NLGN1: variants seen among roughly 807,000 people sequenced by gnomAD.
NLGN1 encodes neuroligin 1, also known as neuroligin-1.
Under a neutral mutation model 65.5 loss-of-function variants are expected in NLGN1, and 12 were observed. That is an observed-to-expected ratio of 0.18 (90% CI 0.12 to 0.30). NLGN1 has a LOEUF of 0.30. Among genes scored for constraint, NLGN1 ranks in the 10% least tolerant of loss-of-function variants. The pLI, the probability that NLGN1 is intolerant of heterozygous loss-of-function variation, is 1.00. For missense variants in NLGN1, 750 were observed against 1,007.1 expected (o/e 0.74, Z 3.46); for synonymous variants, 350 against 359.5 (o/e 0.97, Z 0.30).
chr3:173,835,287 A>G (rs1450451568), intron 4 of NLGN1, among the ~76,000 whole-genome samples: 1 of 152,156 alleles, frequency 6.6e-6, no homozygotes, highest in Non-Finnish European at 1.5e-5. Context: ...ATAAGAAATA[A>G]TAATTATGCA....
intron 3 of NLGN1, among the ~76,000 whole-genome samples, chr3:173,713,705 G>A (rs1769374789): frequency 6.6e-6 from 1 of 152,100 alleles, no homozygotes; most frequent in Non-Finnish European, 1.5e-5. Context: ...CAGGGTCCTT[G>A]TGGGAATTAA....
At chr3:173,575,969 T>A (rs1745439811) in intron 2 of NLGN1, among the ~76,000 whole-genome samples, 1 of 152,120 alleles carries the variant, frequency 6.6e-6, no homozygotes, top group Non-Finnish European at 1.5e-5. Flanking sequence ...TGCACTATCC[T>A]TTATGGTAGT....
chr3:173,399,648 C>G (rs1717286644), intron 1 of NLGN1: 2 of 152,190 alleles, frequency 1.3e-5, no homozygotes, highest in African/African-American at 2.4e-5. Flanking sequence ...TCTCCAAAGT[C>G]TCTTCCAACT....
chr3:173,889,128 CTG>C (rs1236311298), intron 4 of NLGN1, among the ~76,000 whole-genome samples: 4 of 152,048 alleles, frequency 2.6e-5, no homozygotes, highest in Admixed American at 6.6e-5. Flanking sequence ...TGACATGAAA[CTG>C]TTATTTCTCA....
intron 2 of NLGN1, among the ~76,000 whole-genome samples, chr3:173,580,345 G>T (rs1746197619): frequency 6.6e-6 from 1 of 151,974 alleles, no homozygotes; most frequent in South Asian, 2.1e-4. Context: ...GGTTAAATTG[G>T]AATGCCCTAT....
intron 4 of NLGN1, among the ~76,000 whole-genome samples, chr3:174,110,492 G>A (rs143693323): frequency 3.4e-4 from 52 of 152,032 alleles, no homozygotes; most frequent in Non-Finnish European, 6.3e-4. Flanking sequence ...TTTATTCCTT[G>A]CTATTTAACT....
chr3:174,275,491 T>G (rs1209118882), exon 5 of NLGN1: 1 of 1,612,312 alleles, frequency 6.2e-7, no homozygotes, highest in Admixed American at 1.7e-5. Context: ...TTTATCCCAT[T>G]ATTCTGAAGG....
chr3:173,626,439 G>A (rs1441522013), intron 3 of NLGN1, among the ~76,000 whole-genome samples: 1 of 151,908 alleles, frequency 6.6e-6, no homozygotes, highest in African/African-American at 2.4e-5. Flanking sequence ...TTACTTTTAG[G>A]CATTTTGAGA....
chr3:173,487,004 T>G (rs1728278006), intron 2 of NLGN1, among the ~76,000 whole-genome samples: 1 of 151,876 alleles, frequency 6.6e-6, no homozygotes, highest in Non-Finnish European at 1.5e-5. Flanking sequence ...TTATTGTAAC[T>G]AATATGTATG....
intron 4 of NLGN1, among the ~76,000 whole-genome samples, chr3:174,177,566 A>G (rs1002577695): frequency 6.6e-6 from 1 of 152,084 alleles, no homozygotes; most frequent in African/African-American, 2.4e-5. Context: ...GCAAGGAAGA[A>G]CATTAGTTAA....
At chr3:173,923,241 G>C (rs1435660436) in intron 4 of NLGN1, among the ~76,000 whole-genome samples, 1 of 152,124 alleles carries the variant, frequency 6.6e-6, no homozygotes, top group African/African-American at 2.4e-5. Flanking sequence ...GGGAAAGGCA[G>C]CAGAGATAGG....
chr3:174,184,160 C>G (rs373789480), intron 4 of NLGN1, among the ~76,000 whole-genome samples: 1 of 151,748 alleles, frequency 6.6e-6, no homozygotes, highest in Non-Finnish European at 1.5e-5. Flanking sequence ...AAAAAATATG[C>G]AGTAAAACCA....
intron 4 of NLGN1, among the ~76,000 whole-genome samples, chr3:173,954,835 A>G (rs1049673812): frequency 6.6e-6 from 1 of 152,290 alleles, no homozygotes; most frequent in Admixed American, 6.5e-5. Context: ...ACATACAGGA[A>G]TAGTGCATTA....
intron 3 of NLGN1, among the ~76,000 whole-genome samples, chr3:173,802,926 G>A (rs1051906899): frequency 2.0e-5 from 3 of 150,788 alleles, no homozygotes; most frequent in South Asian, 2.1e-4. Context: ...TGCAACCTCC[G>A]CCCTCGTGTT....
chr3:173,873,941 G>A (rs1731655217), intron 4 of NLGN1, among the ~76,000 whole-genome samples: 1 of 152,062 alleles, frequency 6.6e-6, no homozygotes, highest in South Asian at 2.1e-4. Context: ...CATATGACTG[G>A]TGCCATTATA....
chr3:173,747,548 G>C (rs991356073), intron 3 of NLGN1, among the ~76,000 whole-genome samples: 1 of 150,150 alleles, frequency 6.7e-6, no homozygotes, highest in African/African-American at 2.4e-5. Flanking sequence ...AGTCCTGTTC[G>C]AATCTCAAGG....
intron 4 of NLGN1, among the ~76,000 whole-genome samples, chr3:173,865,352 A>T (rs1390051001): frequency 6.6e-6 from 1 of 152,082 alleles, no homozygotes; most frequent in Non-Finnish European, 1.5e-5. Flanking sequence ...TAGTATCTTT[A>T]GGAAAGATAC....
intron 4 of NLGN1, among the ~76,000 whole-genome samples, chr3:174,128,134 G>A (rs1306667515): frequency 6.6e-6 from 1 of 151,990 alleles, no homozygotes; most frequent in African/African-American, 2.4e-5. Flanking sequence ...ATACATAAGA[G>A]GAATATGAAA....
intron 3 of NLGN1, among the ~76,000 whole-genome samples, chr3:173,662,071 A>G (rs1190976224): frequency 1.3e-5 from 2 of 152,034 alleles, no homozygotes; most frequent in African/African-American, 2.4e-5. Flanking sequence ...CTCTCCGTGT[A>G]TGGCTTATAA....
Sources: allele counts gnomAD v4.1 joint callset (sites outside exome capture counted in the v4.1 genomes callset), GRCh38; gene constraint gnomAD v4.1.1; transcripts MANE v1.5; gene names NCBI Gene and HGNC (gene_info 2026-07-23, HGNC 2026-07-21).